The following KIAA1958 variants were observed in gnomAD, a reference collection of about 807,000 sequenced individuals.
The protein encoded by KIAA1958 is KIAA1958.
Under a neutral mutation model 47.2 loss-of-function variants are expected in KIAA1958, and 14 were observed. That is an observed-to-expected ratio of 0.30 (90% CI 0.20 to 0.46). The LOEUF (loss-of-function observed/expected upper bound fraction) is 0.46. Ranked by LOEUF, KIAA1958 falls within the 20% of genes least tolerant of loss-of-function variation. KIAA1958 has a pLI of 1.00. For missense variants in KIAA1958, 803 were observed against 909.2 expected, an observed-to-expected ratio of 0.88 and a Z score of 1.50; for synonymous variants, 354 against 353.3, an observed-to-expected ratio of 1.00 and a Z score of -0.02.
rs1836452831 is a variant in KIAA1958, at chr9:112,618,962, A to G, written c.1172-26688A>G. On this transcript the variant is annotated intron_variant, in intron 2 of 3. Coordinates refer to ENST00000337530, the MANE Select transcript of KIAA1958 (RefSeq NM_133465.4). The surrounding 1 kb of genome is among the most constrained non-coding windows in gnomAD (Gnocchi z 7.1). ...TCCAGTTTGGTTACTGTGTCCGGAG[A>G]AACTGTGATTATACACCGCTTCTCG... is the stretch of plus-strand genomic sequence containing the variant. The G allele has an allele frequency of 2.0e-6, 3 of 1,484,024 alleles. No homozygotes were observed. The highest frequency in any genetic ancestry group is 2.7e-6 in the Non-Finnish European group (3 of 1,109,852). The allele number at this position is 1,484,024 out of a possible 1,614,324, so 91.9% of individuals were successfully genotyped here.
chr9:112,531,856 G>C (rs1834757574), intron 1 of KIAA1958, among the ~76,000 whole-genome samples: 1 of 152,234 alleles, frequency 6.6e-6, no homozygotes. Context: ...TCATGTTGAT[G>C]TATTGAAACC....
chr9:112,647,716 T>G (rs1266316145), intron 3 of KIAA1958, among the ~76,000 whole-genome samples: 2 of 152,250 alleles, frequency 1.3e-5, no homozygotes, highest in East Asian at 3.8e-4. Flanking sequence ...GAAACAATTC[T>G]TTTTAGACAG....
At position 112,519,308 on chromosome 9, in the gene KIAA1958, CATACTT is replaced by C. The variant is rs1488916288; in HGVS notation, c.-25+32194_-25+32199del. On this transcript the variant is annotated intron_variant, in intron 1 of 3. Coordinates refer to ENST00000337530, the MANE Select transcript of KIAA1958 (RefSeq NM_133465.4). The stretch of plus-strand genomic sequence containing the variant: ...TGTTTTTACTAATATGTGCTATTAT[CATACTT>C]ATATGAGCTTGAAGACAAATTGGAT... 4.6e-5 allele frequency among the ~76,000 whole-genome samples: 7 copies of C among 152,190 alleles called. No homozygotes were observed. In the South Asian group the frequency reaches 8.3e-4, roughly 18 times the overall value.
intron 2 of KIAA1958, among the ~76,000 whole-genome samples, chr9:112,638,741 T>C (rs1836848461): frequency 6.6e-6 from 1 of 152,194 alleles, no homozygotes; most frequent in Non-Finnish European, 1.5e-5. Context: ...ATGTTAGACA[T>C]TTCACTATGT....
chr9:112,592,412 G>C (rs988227381), intron 2 of KIAA1958, among the ~76,000 whole-genome samples: 1 of 152,152 alleles, frequency 6.6e-6, no homozygotes, highest in African/African-American at 2.4e-5. Flanking sequence ...ATTTAGATAA[G>C]ACTGCTTGGT....
At chr9:112,493,290 A>G (rs563388451) in intron 1 of KIAA1958, among the ~76,000 whole-genome samples, 2 of 152,136 alleles carry the variant, frequency 1.3e-5, no homozygotes, top group East Asian at 3.9e-4. Context: ...TGAAATCCAC[A>G]TCTTTGTGTC....
intron 1 of KIAA1958, among the ~76,000 whole-genome samples, chr9:112,493,936 C>T (rs1244828985): frequency 1.3e-5 from 2 of 152,176 alleles, no homozygotes; most frequent in African/African-American, 2.4e-5. Context: ...CTCACAATTA[C>T]TTAACTGTGC....
chr9:112,520,189 A>G (rs1031908932), intron 1 of KIAA1958, among the ~76,000 whole-genome samples: 1 of 152,236 alleles, frequency 6.6e-6, no homozygotes, highest in Non-Finnish European at 1.5e-5. Context: ...AATAGAAAAG[A>G]TAGAGGTAGA....
At chr9:112,569,145 T>C (rs993057492) in intron 1 of KIAA1958, among the ~76,000 whole-genome samples, 1 of 152,150 alleles carries the variant, frequency 6.6e-6, no homozygotes, top group Non-Finnish European at 1.5e-5. Flanking sequence ...TCACATTCCT[T>C]CTATATGTGG....
chr9:112,610,195 TTA>T (rs1384971693), intron 2 of KIAA1958, among the ~76,000 whole-genome samples: 3 of 151,836 alleles, frequency 2.0e-5, no homozygotes, highest in Non-Finnish European at 4.4e-5. Context: ...AATAATAGCA[TTA>T]TATAGCAAAA....
chr9:112,647,463 AAAAC>A (rs985868005), intron 3 of KIAA1958, among the ~76,000 whole-genome samples: 12 of 152,292 alleles, frequency 7.9e-5, no homozygotes, highest in African/African-American at 2.6e-4. Context: ...AAAAAAACAA[AAAAC>A]AAACAAACAA....
At chr9:112,543,063 G>A (rs1834970305) in intron 1 of KIAA1958, among the ~76,000 whole-genome samples, 2 of 152,148 alleles carry the variant, frequency 1.3e-5, no homozygotes, top group African/African-American at 4.8e-5. Context: ...GAAATTCTGA[G>A]GCTTTAGACA....
chr9:112,584,662 CA>C (rs1191716187), intron 2 of KIAA1958, among the ~76,000 whole-genome samples: 1 of 152,128 alleles, frequency 6.6e-6, no homozygotes, highest in Non-Finnish European at 1.5e-5. Context: ...ATAAAAAACA[CA>C]AAAATAAAAT....
chr9:112,615,346 G>A (rs1378029944), intron 2 of KIAA1958, among the ~76,000 whole-genome samples: 1 of 148,986 alleles, frequency 6.7e-6, no homozygotes, highest in Non-Finnish European at 1.5e-5. Context: ...CTTGAACCTA[G>A]AAGGCGGAGG....
At chr9:112,609,154 T>C (rs1367741407) in intron 2 of KIAA1958, among the ~76,000 whole-genome samples, 2 of 152,328 alleles carry the variant, frequency 1.3e-5, no homozygotes, top group South Asian at 2.1e-4. Context: ...ATATATCTTA[T>C]GTGTATTCAT....
chr9:112,487,946 C>CGTGTGTGTGTGTGTGTGT (rs57108785), intron 1 of KIAA1958, among the ~76,000 whole-genome samples: 4 of 145,732 alleles, frequency 2.7e-5, no homozygotes, highest in South Asian at 2.2e-4. Flanking sequence ...AGTGTGTGTG[C>CGTGTGTGTGTGTGTGTGT]GTGTGTGTGT....
At chr9:112,579,918 A>C (rs1224588855) in intron 2 of KIAA1958, among the ~76,000 whole-genome samples, 3 of 152,222 alleles carry the variant, frequency 2.0e-5, no homozygotes, top group Admixed American at 2.0e-4. Flanking sequence ...ACCAGCTTTC[A>C]CTCAGGCTCA....
intron 1 of KIAA1958, among the ~76,000 whole-genome samples, chr9:112,532,900 C>A (rs1046085555): frequency 6.6e-6 from 1 of 152,158 alleles, no homozygotes; most frequent in East Asian, 1.9e-4. Context: ...ACTTGGCCAT[C>A]TGTTTACAAA....
intron 2 of KIAA1958, among the ~76,000 whole-genome samples, chr9:112,607,026 G>C (rs901974306): frequency 1.3e-5 from 2 of 152,232 alleles, no homozygotes; most frequent in African/African-American, 4.8e-5. Context: ...AAGGGGTGCT[G>C]AATGCAGTGA....
Sources: gnomAD v4.1 joint callset for allele counts (sites outside exome capture counted in the v4.1 genomes callset) on GRCh38, gnomAD v4.1.1 for gene constraint, Gnocchi (gnomAD v3.1) non-coding constraint, MANE v1.5 for transcripts, NCBI Gene and HGNC (gene_info 2026-07-23, HGNC 2026-07-21) for gene names.